TGFBR3: variants seen among roughly 807,000 people sequenced by gnomAD.
The protein encoded by TGFBR3 is transforming growth factor beta receptor type 3.
TGFBR3 carries 46 observed loss-of-function variants against 87.9 expected under a neutral mutation model. That is an observed-to-expected ratio of 0.52 (90% confidence interval 0.41 to 0.67). The LOEUF (loss-of-function observed/expected upper bound fraction) is 0.67. Among genes scored for constraint, TGFBR3 ranks in the 30% least tolerant of loss-of-function variants. The probability of loss-of-function intolerance (pLI) is 0.00; values close to 1 mark genes in which losing one functional copy is unlikely to be tolerated. For missense variants in TGFBR3, 866 were observed against 1,041.9 expected (o/e 0.83, Z 2.32); for synonymous variants, 381 against 391.6 (o/e 0.97, Z 0.32).
chr1:91,841,666 G>A (rs549439350), intron 2 of TGFBR3, among the ~76,000 whole-genome samples: 1 of 151,718 alleles, frequency 6.6e-6, no homozygotes, highest in South Asian at 2.1e-4. Context: ...TGGTGGTGTG[G>A]GCCTGTAATC....
rs190796550 is a variant in TGFBR3 at position 91,865,954 on chromosome 1, T to C, written c.-113-4310A>G. Among the ~76,000 whole-genome samples, 1,062 of 149,758 alleles carry C rather than the reference T, an allele frequency of 7.1e-3. 24 individuals carry two copies. Among genetic ancestry groups the C allele is most frequent in the Admixed American group, 0.052 (788 of 15,014 alleles). ...AAGAAAATTCTTAGAACTTAATGGG[T>C]TTAAAAAAAAAGCAAACAAATGTGC... On this transcript the variant is annotated intron_variant, in intron 1 of 16. Transcript: ENST00000212355.
At chr1:91,778,737 C>T (rs1674660187) in intron 3 of TGFBR3, among the ~76,000 whole-genome samples, 1 of 152,050 alleles carries the variant, frequency 6.6e-6, no homozygotes, top group Non-Finnish European at 1.5e-5. Flanking sequence ...CCTGGCAATA[C>T]CAACTAAAGA....
At chr1:91,734,393 C>T (rs1672883630) in intron 5 of TGFBR3, among the ~76,000 whole-genome samples, 1 of 152,230 alleles carries the variant, frequency 6.6e-6, no homozygotes, top group South Asian at 2.1e-4. Context: ...AGGAAGCCAC[C>T]TGCTGACCCA....
At chr1:91,691,731 G>A (rs1226848123) in intron 16 of TGFBR3, among the ~76,000 whole-genome samples, 1 of 152,228 alleles carries the variant, frequency 6.6e-6, no homozygotes, top group African/African-American at 2.4e-5. Flanking sequence ...TCCAGAAATG[G>A]AGGGAACCGG....
At chr1:91,685,227 G>T (rs1056081030) in intron 16 of TGFBR3, among the ~76,000 whole-genome samples, 3 of 150,972 alleles carry the variant, frequency 2.0e-5, no homozygotes, top group African/African-American at 7.3e-5. Context: ...GGCCCTTGTT[G>T]TACTTCCTCT....
At chr1:91,709,275 C>T (rs1457253319) in intron 13 of TGFBR3, among the ~76,000 whole-genome samples, 17 of 152,112 alleles carry the variant, frequency 1.1e-4, no homozygotes, top group Admixed American at 8.5e-4. Flanking sequence ...CCTAAAGTAC[C>T]GAACAACACA....
At chr1:91,870,844 G>A (rs989514957) in intron 1 of TGFBR3, among the ~76,000 whole-genome samples, 29 of 151,990 alleles carry the variant, frequency 1.9e-4, no homozygotes, top group Admixed American at 3.9e-4. Context: ...TGAATATCAG[G>A]AGTTTCTGAA....
At chr1:91,773,390 G>T (rs1016605616) in intron 3 of TGFBR3, among the ~76,000 whole-genome samples, 6 of 151,990 alleles carry the variant, frequency 3.9e-5, no homozygotes, top group African/African-American at 1.4e-4. Context: ...CTTCAGGACA[G>T]ATCTCTAGGC....
Position 91,693,728 on chromosome 1 carries a change from C to T in TGFBR3, c.2437+1944G>A, listed in dbSNP as rs141292643. Reference sequence around the variant, plus strand: ...ACATGGTAAACATCTGTGGGTGACCCAGTCTTCTTGGAGGACTTTCAAACT... The same window carrying T: ...ACATGGTAAACATCTGTGGGTGACCTAGTCTTCTTGGAGGACTTTCAAACT... On this transcript the variant is annotated intron_variant, in intron 16 of 16. Transcript: ENST00000212355. 2.5e-3 allele frequency among the ~76,000 whole-genome samples: 387 copies of T among 152,282 alleles called. 2 individuals carry two copies. The highest frequency in any genetic ancestry group is 4.6e-3 in the Non-Finnish European group (313 of 68,026).
chr1:91,779,796 G>T (rs930466454), intron 3 of TGFBR3, among the ~76,000 whole-genome samples: 1 of 152,100 alleles, frequency 6.6e-6, no homozygotes, highest in Non-Finnish European at 1.5e-5. Context: ...CCATAAACTG[G>T]GTGGCTTAGA....
chr1:91,904,544 G>A (rs66786059), intron 1 of TGFBR3, among the ~76,000 whole-genome samples: 48,030 of 146,862 alleles, frequency 0.33, 8,978 homozygotes, highest in Admixed American at 0.43. Context: ...TTACAGACGC[G>A]TGCCACCACA....
intron 1 of TGFBR3, among the ~76,000 whole-genome samples, chr1:91,884,096 T>C (rs1240037792): frequency 1.3e-5 from 2 of 151,992 alleles, no homozygotes; most frequent in Admixed American, 1.3e-4. Flanking sequence ...CCGAGGCAGG[T>C]GGATCACGAG....
chr1:91,873,204 CA>C (rs1678654257), intron 1 of TGFBR3, among the ~76,000 whole-genome samples: 1 of 151,418 alleles, frequency 6.6e-6, no homozygotes, highest in Non-Finnish European at 1.5e-5. Flanking sequence ...TTCTTTGCCT[CA>C]TATAATCCTC....
intron 2 of TGFBR3, among the ~76,000 whole-genome samples, chr1:91,854,904 C>T (rs567832473): frequency 3.9e-5 from 6 of 152,304 alleles, no homozygotes; most frequent in African/African-American, 1.2e-4. Flanking sequence ...GAAAATAGTG[C>T]CTGCCTACCC....
intron 14 of TGFBR3, among the ~76,000 whole-genome samples, chr1:91,707,380 T>G (rs532554532): frequency 6.4e-4 from 98 of 152,298 alleles, no homozygotes; most frequent in African/African-American, 2.3e-3. Flanking sequence ...TTCACAGAGG[T>G]TAGTCAACCA....
intron 2 of TGFBR3, among the ~76,000 whole-genome samples, chr1:91,847,603 C>CAAAAAA (rs57534144): frequency 1.1e-5 from 1 of 88,278 alleles, no homozygotes; most frequent in African/African-American, 4.2e-5. Flanking sequence ...AACTCCATCT[C>CAAAAAA]AAAAAAAAAA....
At chr1:91,814,436 T>A (rs1676142372) in intron 2 of TGFBR3, among the ~76,000 whole-genome samples, 1 of 152,146 alleles carries the variant, frequency 6.6e-6, no homozygotes, top group African/African-American at 2.4e-5. Context: ...TTTTTTTTAA[T>A]CAAACAAGAA....
At chr1:91,898,429 T>G (rs1213145327) in intron 2 of TGFBR3, among the ~76,000 whole-genome samples, 1 of 151,450 alleles carries the variant, frequency 6.6e-6, no homozygotes, top group Non-Finnish European at 1.5e-5. Flanking sequence ...CAACAGTATG[T>G]TTTTTTTGGT....
rs1454155580 is a variant in TGFBR3, at chr1:91,729,862, G to C, written c.680C>G (p.Pro227Arg). 1 of 1,614,130 alleles carries C rather than the reference G, an allele frequency of 6.2e-7. No homozygotes were observed. The highest frequency in any genetic ancestry group is 1.7e-5 in the Admixed American group (1 of 60,014). Residue 227 changes from proline to arginine, a missense_variant, in exon 6 of 17, where the codon CCC becomes CGC. Physicochemically the swap from Pro to Arg is moderately radical, Grantham distance 103. Coordinates refer to ENST00000212355, the MANE Select transcript of TGFBR3 (RefSeq NM_003243.5). ...GATGATGTGTACTTCCTCATTCTGG[G>C]GCTGGCTGGACATCACACACCCTTC... is the stretch of plus-strand genomic sequence containing the variant. ...AAEGCVMSSQPQNEEVHIIEL... is the reference protein window; with the variant it reads ...AAEGCVMSSQRQNEEVHIIEL...
Sources: allele counts gnomAD v4.1 joint callset (sites outside exome capture counted in the v4.1 genomes callset), GRCh38; gene constraint gnomAD v4.1.1; transcripts MANE v1.5; gene names NCBI Gene and HGNC (gene_info 2026-07-23, HGNC 2026-07-21).